The following COMMD1 variants were observed in gnomAD, a reference collection of about 807,000 sequenced individuals.
The protein encoded by COMMD1 is copper metabolism domain containing 1.
Under a neutral mutation model 17.2 loss-of-function variants are expected in COMMD1, and 10 were observed. That is an observed-to-expected ratio of 0.58 (90% CI 0.36 to 0.99). COMMD1 has a LOEUF of 0.99. Among genes scored for constraint, COMMD1 ranks in the 50% least tolerant of loss-of-function variants. The pLI is 0.01. For missense variants in COMMD1, 270 were observed against 231.8 expected (o/e 1.17, Z -1.07); for synonymous variants, 97 against 91.6 (o/e 1.06, Z -0.34).
chr2:61,988,383 C>G lies in COMMD1; in HGVS notation c.181-12318C>G, dbSNP rs4450586. 2.6e-3 allele frequency among the ~76,000 whole-genome samples: 394 copies of G among 152,264 alleles called. 1 individual carries two copies. Among genetic ancestry groups the G allele is most frequent in the African/African-American group, 8.3e-3 (346 of 41,558 alleles). ...GCCCTTTAGTCAGGAGGTGATGAAT[C>G]CCGCCAGCAGTGGATCCTTCCCTTC... On this transcript the variant is annotated intron_variant, in intron 1 of 2. Transcript: ENST00000311832.
intron 1 of COMMD1, among the ~76,000 whole-genome samples, chr2:61,889,989 A>T (rs188007593): frequency 3.1e-4 from 47 of 152,316 alleles, no homozygotes; most frequent in African/African-American, 1.1e-3. Flanking sequence ...GAGTCAGTAG[A>T]TAGAAGCAGT....
intron 2 of COMMD1, among the ~76,000 whole-genome samples, chr2:62,035,467 G>C (rs557531549): frequency 5.3e-5 from 8 of 152,088 alleles, no homozygotes; most frequent in African/African-American, 1.9e-4. Context: ...TTGGCCAGAC[G>C]TGGTGGCTCA....
chr2:62,133,174 G>A (rs931518722), intron 2 of COMMD1, among the ~76,000 whole-genome samples: 2 of 152,220 alleles, frequency 1.3e-5, no homozygotes, highest in Admixed American at 6.5e-5. Context: ...TTCCCTGTCT[G>A]TGGAAGCCTT....
intron 1 of COMMD1, among the ~76,000 whole-genome samples, chr2:61,924,378 G>C (rs1417637368): frequency 6.8e-6 from 1 of 147,452 alleles, no homozygotes; most frequent in Non-Finnish European, 1.5e-5. Flanking sequence ...CAGAGTCGGA[G>C]GGGGGATGGT....
At chr2:62,047,549 G>A (rs1308490939) in intron 2 of COMMD1, among the ~76,000 whole-genome samples, 2 of 151,816 alleles carry the variant, frequency 1.3e-5, no homozygotes, top group African/African-American at 4.8e-5. Context: ...CCGCCTCCTG[G>A]GTTCAAATGA....
chr2:61,893,810 C>G (rs1001200742), intron 1 of COMMD1, among the ~76,000 whole-genome samples: 3 of 110,996 alleles, frequency 2.7e-5, no homozygotes, highest in Non-Finnish European at 3.9e-5. Flanking sequence ...ACCTCCATCT[C>G]AAAAAAAAAA....
At chr2:62,003,243 C>G (rs7600362) in intron 2 of COMMD1, among the ~76,000 whole-genome samples, 20 of 143,936 alleles carry the variant, frequency 1.4e-4, no homozygotes, top group African/African-American at 4.7e-4. Context: ...AAAAAAAAAA[C>G]AAAACAAAAC....
chr2:62,060,766 C>A (rs942392758), intron 2 of COMMD1, among the ~76,000 whole-genome samples: 1 of 152,166 alleles, frequency 6.6e-6, no homozygotes, highest in Middle Eastern at 3.2e-3. Flanking sequence ...TTCAGCCAAA[C>A]AACAGTTTTG....
intron 2 of COMMD1, among the ~76,000 whole-genome samples, chr2:62,103,308 T>G (rs1365851027): frequency 6.6e-6 from 1 of 152,192 alleles, no homozygotes; most frequent in Non-Finnish European, 1.5e-5. Context: ...TTCCATAGTT[T>G]GTTGAACCTA....
intron 2 of COMMD1, among the ~76,000 whole-genome samples, chr2:62,017,916 C>CA (rs1669497788): frequency 6.6e-6 from 1 of 151,676 alleles, no homozygotes; most frequent in Non-Finnish European, 1.5e-5. Flanking sequence ...TGGTGGCATG[C>CA]ACCTGTAGTC....
At chr2:62,003,424 C>G (rs1320010832) in intron 2 of COMMD1, among the ~76,000 whole-genome samples, 1 of 151,722 alleles carries the variant, frequency 6.6e-6, no homozygotes. Flanking sequence ...GCCTGTAATC[C>G]CAGCTACTGG....
intron 2 of COMMD1, among the ~76,000 whole-genome samples, chr2:62,011,233 A>G (rs1463115905): frequency 6.6e-6 from 1 of 152,180 alleles, no homozygotes; most frequent in African/African-American, 2.4e-5. Flanking sequence ...GTATAATACA[A>G]TAAACTATTT....
chr2:61,963,231 A>ATG (rs1234830755), intron 1 of COMMD1, among the ~76,000 whole-genome samples: 2 of 150,840 alleles, frequency 1.3e-5, no homozygotes, highest in South Asian at 2.1e-4. Flanking sequence ...ATATATACAT[A>ATG]TATACACACA....
chr2:61,990,837 A>G (rs555215502), intron 1 of COMMD1, among the ~76,000 whole-genome samples: 8 of 149,424 alleles, frequency 5.4e-5, no homozygotes, highest in African/African-American at 2.0e-4. Context: ...GATGAGATTT[A>G]GGTGGGGACA....
At chr2:62,116,127 G>A (rs376091939) in intron 2 of COMMD1, among the ~76,000 whole-genome samples, 16 of 152,196 alleles carry the variant, frequency 1.1e-4, no homozygotes, top group African/African-American at 3.4e-4. Flanking sequence ...GATTACAGGC[G>A]TGAGCCACTG....
chr2:62,028,614 A>G (rs1161746108), intron 2 of COMMD1, among the ~76,000 whole-genome samples: 1 of 152,198 alleles, frequency 6.6e-6, no homozygotes, highest in Non-Finnish European at 1.5e-5. Context: ...AATGATGCCA[A>G]TAAAACTATT....
intron 2 of COMMD1, among the ~76,000 whole-genome samples, chr2:62,131,877 C>A (rs976338325): frequency 1.3e-5 from 2 of 150,004 alleles, no homozygotes; most frequent in African/African-American, 4.9e-5. Flanking sequence ...CACACACACA[C>A]AAACACACAC....
At chr2:61,897,207 C>A (rs1209170420) in intron 1 of COMMD1, among the ~76,000 whole-genome samples, 8 of 152,146 alleles carry the variant, frequency 5.3e-5, no homozygotes, top group Admixed American at 5.2e-4. Flanking sequence ...TAAATGAATT[C>A]TTATCTTCCT....
At chr2:61,920,981 A>ATATATATATATATATTT (rs749403795) in intron 1 of COMMD1, among the ~76,000 whole-genome samples, 1 of 141,400 alleles carries the variant, frequency 7.1e-6, no homozygotes, top group African/African-American at 2.7e-5. Context: ...ATATATATAT[A>ATATATATATATATATTT]TTTTTTTTTT....
Sources: allele counts gnomAD v4.1 joint callset (sites outside exome capture counted in the v4.1 genomes callset), GRCh38; gene constraint gnomAD v4.1.1; transcripts MANE v1.5; gene names NCBI Gene and HGNC (gene_info 2026-07-23, HGNC 2026-07-21).